The following KDM4C variants were observed in gnomAD, a reference collection of about 807,000 sequenced individuals.
KDM4C encodes lysine-specific demethylase 4C.
A neutral mutation model predicts 129.3 loss-of-function variants in KDM4C; 81 were observed. The observed-to-expected ratio is 0.63, with a 90% confidence interval of 0.52 to 0.75. KDM4C has a LOEUF of 0.75. KDM4C is among the 30% of genes least tolerant of loss of function. The pLI, the probability that KDM4C is intolerant of heterozygous loss-of-function variation, is 0.00. For missense variants in KDM4C, 1,457 were observed against 1,304.0 expected, an observed-to-expected ratio of 1.12 and a Z score of -1.81; for synonymous variants, 573 against 456.1, an observed-to-expected ratio of 1.26 and a Z score of -3.26.
chr9:7,087,724 G>A (rs537845211), intron 17 of KDM4C, among the ~76,000 whole-genome samples: 1 of 152,260 alleles, frequency 6.6e-6, no homozygotes, highest in South Asian at 2.1e-4. Flanking sequence ...AGAAGAGCCT[G>A]TTCTTTTATT....
chr9:6,909,921 A>G (rs1187105226), intron 8 of KDM4C, among the ~76,000 whole-genome samples: 2 of 152,198 alleles, frequency 1.3e-5, no homozygotes, highest in Non-Finnish European at 2.9e-5. Flanking sequence ...GATTTCACGT[A>G]TATCTTTGAA....
chr9:6,852,688 T>C (rs2130201091), intron 5 of KDM4C, among the ~76,000 whole-genome samples: 1 of 152,336 alleles, frequency 6.6e-6, no homozygotes, highest in African/African-American at 2.4e-5. Context: ...TTGTTTTCTC[T>C]TCTGTCTCTG....
At chr9:7,130,517 A>C (rs1237018918) in intron 19 of KDM4C, among the ~76,000 whole-genome samples, 1 of 152,216 alleles carries the variant, frequency 6.6e-6, no homozygotes, top group Non-Finnish European at 1.5e-5. Flanking sequence ...GCTAACCCGC[A>C]GAAGAGTTTT....
chr9:6,956,614 G>A (rs1346942464), intron 8 of KDM4C, among the ~76,000 whole-genome samples: 1 of 152,112 alleles, frequency 6.6e-6, no homozygotes, highest in Non-Finnish European at 1.5e-5. Context: ...ATCTAAGGTT[G>A]CGTTTGTACT....
intron 17 of KDM4C, among the ~76,000 whole-genome samples, chr9:7,097,740 G>A (rs991000439): frequency 6.6e-6 from 1 of 152,196 alleles, no homozygotes; most frequent in Non-Finnish European, 1.5e-5. Context: ...GATTATGGCT[G>A]TAAAGCTTTT....
At chr9:6,752,857 T>C (rs895738101), upstream of KDM4C, among the ~76,000 whole-genome samples, 5 of 152,194 alleles carry the variant, frequency 3.3e-5, no homozygotes, top group African/African-American at 1.2e-4. Context: ...TGTTCCTCAA[T>C]GAAGATATCT....
chr9:6,934,913 A>G (rs1824478153), intron 8 of KDM4C, among the ~76,000 whole-genome samples: 1 of 151,618 alleles, frequency 6.6e-6, no homozygotes, highest in Admixed American at 6.6e-5. Context: ...GGTATACCAG[A>G]TTTCTTTATT....
chr9:6,898,775 A>C (rs1259890024), intron 8 of KDM4C, among the ~76,000 whole-genome samples: 1 of 152,206 alleles, frequency 6.6e-6, no homozygotes, highest in Admixed American at 6.5e-5. Flanking sequence ...GATATTTCTT[A>C]AATCTGGTAG....
rs182273874 is a variant in KDM4C at position 6,938,254 on chromosome 9, T to C, written c.922-42671T>C. On this transcript the variant is annotated intron_variant, in intron 8 of 21. Transcript: ENST00000381309. ...GAACATAAAACATATTTATATGTTATGTGCAATATGTATTTGTTAAATATA... is the reference window on the plus strand; with the variant it reads ...GAACATAAAACATATTTATATGTTACGTGCAATATGTATTTGTTAAATATA... Among the ~76,000 whole-genome samples the C allele has an allele frequency of 4.7e-3, 721 of 152,256 alleles. 6 individuals are homozygous for C. Among genetic ancestry groups the C allele is most frequent in the Non-Finnish European group, 8.2e-3 (555 of 68,014 alleles).
In KDM4C at chr9:6,849,357, C is replaced by G. The variant is rs116380995; in HGVS notation, c.436-150C>G. 1.4e-3 allele frequency: 761 copies of G among 556,698 alleles called. 3 individuals carry two copies. Among genetic ancestry groups the G allele is most frequent in the African/African-American group, 0.013 (692 of 52,830 alleles). 34.5% of individuals were successfully genotyped at this position (556,698 alleles called of 1,614,324 possible). Reference sequence around the variant, plus strand: ...TAATAATGGACATATGTATGTGGCTCTTGAATAAGAGTTGTTTTATTTTTC... The same window carrying G: ...TAATAATGGACATATGTATGTGGCTGTTGAATAAGAGTTGTTTTATTTTTC... On this transcript the variant is annotated intron_variant, in intron 4 of 21. Coordinates refer to ENST00000381309, the MANE Select transcript of KDM4C (RefSeq NM_015061.6).
chr9:6,748,965 T>C, intron 1 of KDM4C: 1 of 849,466 alleles, frequency 1.2e-6, no homozygotes, highest in Middle Eastern at 2.2e-4. Context: ...TTTCTGGCCC[T>C]GGCCACTGTA....
chr9:6,865,094 T>C lies in KDM4C; in HGVS notation c.630-14918T>C, dbSNP rs138189644. Among the ~76,000 whole-genome samples, 425 of 150,168 alleles carry C rather than the reference T, an allele frequency of 2.8e-3. 2 individuals are homozygous for C. The highest frequency in any genetic ancestry group is 9.6e-3 in the African/African-American group (391 of 40,878). ...CGCGATCTCGGCTCACTGCAAGCTC[T>C]GCCTCCCGGGTTCAAGCAATTCTCC... On this transcript the variant is annotated intron_variant, in intron 5 of 21. Coordinates refer to ENST00000381309, the MANE Select transcript of KDM4C (RefSeq NM_015061.6).
At chr9:7,155,123 G>A (rs549130442) in intron 19 of KDM4C, among the ~76,000 whole-genome samples, 2 of 152,254 alleles carry the variant, frequency 1.3e-5, no homozygotes, top group African/African-American at 4.8e-5. Context: ...AAGTCAGAGA[G>A]AGCTTTGGGG....
chr9:6,865,053 A>G (rs545989279), intron 5 of KDM4C, among the ~76,000 whole-genome samples: 24 of 143,830 alleles, frequency 1.7e-4, no homozygotes, highest in Middle Eastern at 4.2e-3. Flanking sequence ...CTATTGCCCA[A>G]GCTGGAGTGC....
rs758192956 is a variant in KDM4C, at chr9:7,013,947, G to A, written c.2128G>A (p.Asp710Asn). The A allele has an allele frequency of 4.9e-5, 79 of 1,613,860 alleles. No individual in the cohort carries two copies. The highest frequency in any genetic ancestry group is 6.5e-5 in the Non-Finnish European group (77 of 1,179,876). ...YSPPNAFLEE[D>N]GTSLLISCAK... ...TCCACCCAATGCCTTCCTTGAAGAG[G>A]ATGGAACAAGTCTCCTTATTTCCTG... The change falls in exon 14 of 22, where the codon GAT becomes AAT. Residue 710 changes from aspartate to asparagine, a missense_variant. Transcript: ENST00000381309.
At chr9:6,945,862 C>T (rs1826866872) in intron 8 of KDM4C, among the ~76,000 whole-genome samples, 2 of 152,130 alleles carry the variant, frequency 1.3e-5, no homozygotes, top group African/African-American at 2.4e-5. Flanking sequence ...AGGGACTGGG[C>T]TGTCTGTACT....
intron 15 of KDM4C, among the ~76,000 whole-genome samples, chr9:7,026,861 G>C (rs777294277): frequency 1.1e-4 from 16 of 151,866 alleles, no homozygotes; most frequent in Non-Finnish European, 2.2e-4. Context: ...TGCTTGATCA[G>C]TTCTGTCCTT....
chr9:7,033,048 T>C (rs1382349423), intron 15 of KDM4C, among the ~76,000 whole-genome samples: 1 of 152,212 alleles, frequency 6.6e-6, no homozygotes, highest in Non-Finnish European at 1.5e-5. Context: ...GAAGCGGCTT[T>C]GTAGATCAGA....
At chr9:6,814,838 C>A in intron 4 of KDM4C, 93 bp downstream of exon 4, 2 of 665,878 alleles carry the variant, frequency 3.0e-6, no homozygotes, top group Non-Finnish European at 5.0e-6. Flanking sequence ...TTTTGTTGTG[C>A]TTTTGGGTGA....
Sources: allele counts gnomAD v4.1 joint callset (sites outside exome capture counted in the v4.1 genomes callset), GRCh38; gene constraint gnomAD v4.1.1; transcripts MANE v1.5; gene names NCBI Gene and HGNC (gene_info 2026-07-23, HGNC 2026-07-21).